NAA15: variants seen among roughly 807,000 people sequenced by gnomAD.
The protein encoded by NAA15 is N-alpha-acetyltransferase 15, NatA auxiliary subunit.
NAA15 carries 34 observed loss-of-function variants against 114.0 expected under a neutral mutation model. The observed-to-expected ratio is 0.30, with a 90% CI of 0.23 to 0.40. NAA15 has a LOEUF of 0.40. Ranked by LOEUF, NAA15 falls within the 10% of genes least tolerant of loss-of-function variation. The pLI, the probability that NAA15 is intolerant of heterozygous loss-of-function variation, is 1.00. For missense variants in NAA15, 658 were observed against 1,004.5 expected (o/e 0.66, Z 4.66); for synonymous variants, 340 against 338.0 (o/e 1.01, Z -0.06).
At chr4:139,322,691 G>A (rs1056799628) in intron 1 of NAA15, among the ~76,000 whole-genome samples, 2 of 152,046 alleles carry the variant, frequency 1.3e-5, no homozygotes, top group African/African-American at 2.4e-5. Context: ...GTGTGTATAT[G>A]TGTGTATTTT....
chr4:139,304,320 A>G (rs1745932539), intron 1 of NAA15, among the ~76,000 whole-genome samples: 1 of 152,274 alleles, frequency 6.6e-6, no homozygotes, highest in South Asian at 2.1e-4. Context: ...CAGTTTTCCC[A>G]ACACTAATAC....
chr4:139,385,290 ATAT>A (rs1748876460), intron 18 of NAA15, among the ~76,000 whole-genome samples: 1 of 99,802 alleles, frequency 1.0e-5, no homozygotes, highest in Admixed American at 9.2e-5. Context: ...TATAATATAT[ATAT>A]ATATATAATA....
At chr4:139,318,808 C>T (rs371309012) in intron 1 of NAA15, among the ~76,000 whole-genome samples, 3 of 151,376 alleles carry the variant, frequency 2.0e-5, no homozygotes, top group Non-Finnish European at 2.9e-5. Flanking sequence ...GAGCCAAGAT[C>T]GCGCCACTGT....
intron 1 of NAA15, among the ~76,000 whole-genome samples, chr4:139,327,710 G>T (rs6829675): frequency 4.9e-4 from 75 of 152,158 alleles, no homozygotes; most frequent in African/African-American, 1.7e-3. Flanking sequence ...CTGTTGCCCA[G>T]GCTGGAGTGC....
At position 139,370,317 on chromosome 4, in the gene NAA15, G is replaced by A. The variant is rs1048542079; in HGVS notation, c.1860G>A (p.Gln620=). 1.9e-6 allele frequency: 3 copies of A among 1,597,606 alleles called. No individual in the cohort carries two copies. Among genetic ancestry groups the A allele is most frequent in the African/African-American group, 2.7e-5 (2 of 74,062 alleles). The change falls in exon 15 of 20, where the codon CAG becomes CAA. Residue 620 remains glutamine, a synonymous_variant. Coordinates refer to ENST00000296543, the MANE Select transcript of NAA15 (RefSeq NM_057175.5). The stretch of plus-strand genomic sequence containing the variant: ...AAAAAAATGCAGAAAAAGAAAAGCA[G>A]CAGAGAAATCAGAAAAAGAAGAAGG... ...EEKKNAEKEK[Q]QRNQKKKKDD...
At chr4:139,345,700 C>T (rs1747556035) in intron 6 of NAA15, among the ~76,000 whole-genome samples, 1 of 152,138 alleles carries the variant, frequency 6.6e-6, no homozygotes, top group Non-Finnish European at 1.5e-5. Context: ...GCAGGTGGAT[C>T]ACGAGGTCAG....
intron 3 of NAA15, among the ~76,000 whole-genome samples, chr4:139,339,612 G>A (rs556719596): frequency 2.0e-5 from 3 of 152,064 alleles, no homozygotes; most frequent in Admixed American, 6.5e-5. Context: ...ATAGCTGGGC[G>A]TGGTGGCAGA....
intron 1 of NAA15, among the ~76,000 whole-genome samples, chr4:139,303,795 C>T (rs1427995815): frequency 6.6e-6 from 1 of 152,204 alleles, no homozygotes; most frequent in South Asian, 2.1e-4. Context: ...AAAACTTCAT[C>T]TCTAAATACT....
At chr4:139,371,807 G>A (rs1217130254) in intron 15 of NAA15, among the ~76,000 whole-genome samples, 1 of 152,004 alleles carries the variant, frequency 6.6e-6, no homozygotes, top group Non-Finnish European at 1.5e-5. Flanking sequence ...CACCTTCACT[G>A]CCAGCCTGCT....
Position 139,384,928 on chromosome 4 carries a change from A to G in NAA15, c.2252A>G (p.Asn751Ser), listed in dbSNP as rs1330638609. 6.4e-7 allele frequency: 1 copy of G among 1,570,394 alleles called. No homozygotes were observed. Among genetic ancestry groups the G allele is most frequent in the Non-Finnish European group, 8.6e-7 (1 of 1,158,902 alleles). ...LFGATNPKNF[N>S]ETFLKRNSDS... The stretch of plus-strand genomic sequence containing the variant: ...GGAGCAACGAATCCAAAGAATTTTA[A>G]TGAAACTTTTCTGAAAAGGAATTCT... Residue 751 changes from asparagine to serine, a missense_variant, in exon 18 of 20, where the codon AAT becomes AGT. Around this residue, in one of 6 missense-constraint regions of NAA15, gnomAD observed 275 missense variants for 371.1 expected, o/e 0.74. Transcript: ENST00000296543.
chr4:139,366,603 G>GTTT (rs56010406), intron 14 of NAA15, among the ~76,000 whole-genome samples: 1 of 144,166 alleles, frequency 6.9e-6, no homozygotes, highest in African/African-American at 2.5e-5. Context: ...TCATTTTTGG[G>GTTT]TTTTTTTTTT....
chr4:139,314,561 A>G (rs755610540), intron 1 of NAA15, among the ~76,000 whole-genome samples: 1 of 151,938 alleles, frequency 6.6e-6, no homozygotes, highest in Non-Finnish European at 1.5e-5. Context: ...CTGTTTACTA[A>G]GAGCCCTAGT....
rs999046772 is a variant in NAA15, at chr4:139,378,778, A to G, written c.2079A>G (p.Gln693=). 20 of 1,559,512 alleles carry G rather than the reference A, an allele frequency of 1.3e-5. No homozygotes were observed. Among genetic ancestry groups the G allele is most frequent in the East Asian group, 4.8e-5 (2 of 41,878 alleles). ...FRKEKFLLML[Q]SVKRAFAIDS... is the part of the protein sequence containing the mutation. ...TAGAAAAGTTTCTTTTGATGCTACA[A>G]TCAGTAAAGAGGGCATTTGCTATTG... is the stretch of plus-strand genomic sequence containing the variant. The change falls in exon 17 of 20, where the codon CAA becomes CAG. Residue 693 remains glutamine, a synonymous_variant. Coordinates refer to ENST00000296543, the MANE Select transcript of NAA15 (RefSeq NM_057175.5).
chr4:139,301,728 C>G lies in NAA15; in HGVS notation c.-50C>G, dbSNP rs1745755536. On this transcript the variant is annotated 5_prime_UTR_variant, in exon 1 of 20. Transcript: ENST00000296543. ...ACGGCAGCGGCGGCGGTCGGACAAA[C>G]TGACTGACCGAGCCGGGTGGTGGCG... The G allele has an allele frequency of 6.5e-7, 1 of 1,534,128 alleles. No homozygotes were observed. Among genetic ancestry groups the G allele is most frequent in the Non-Finnish European group, 8.8e-7 (1 of 1,134,908 alleles).
intron 18 of NAA15, 102 bp downstream of exon 18, chr4:139,385,080 G>C: frequency 9.8e-7 from 1 of 1,018,522 alleles, no homozygotes; most frequent in African/African-American, 1.7e-5. Flanking sequence ...AAGAGGCAGT[G>C]TGTATATGTT....
chr4:139,358,234 C>T (rs146599378), intron 11 of NAA15, among the ~76,000 whole-genome samples: 121 of 151,118 alleles, frequency 8.0e-4, no homozygotes, highest in African/African-American at 2.6e-3. Context: ...ACTGCATCAC[C>T]CAGGCTGGGG....
chr4:139,360,724 A>G (rs1441476999), intron 13 of NAA15, 96 bp downstream of exon 13: 2 of 1,090,668 alleles, frequency 1.8e-6, no homozygotes, highest in Non-Finnish European at 2.5e-6. Context: ...TTTATAATTC[A>G]TAGTAGGTGC....
chr4:139,302,026 C>T (rs1014416746), intron 1 of NAA15, 195 bp downstream of exon 1: 8 of 496,826 alleles, frequency 1.6e-5, no homozygotes, highest in African/African-American at 1.6e-4. Flanking sequence ...GGACCACAGG[C>T]TTCTTCATTC....
At chr4:139,381,317 G>T (rs911587051) in intron 17 of NAA15, among the ~76,000 whole-genome samples, 2 of 151,964 alleles carry the variant, frequency 1.3e-5, no homozygotes, top group African/African-American at 4.8e-5. Context: ...TAAAAGATAG[G>T]TGCTTATATA....
Sources: allele counts gnomAD v4.1 joint callset (sites outside exome capture counted in the v4.1 genomes callset), GRCh38; gene constraint gnomAD v4.1.1; regional missense constraint gnomAD v4.1.1; transcripts MANE v1.5; gene names NCBI Gene and HGNC (gene_info 2026-07-23, HGNC 2026-07-21).